NKTR: variants seen among roughly 807,000 people sequenced by gnomAD.
NKTR encodes the protein natural killer cell triggering receptor.
In NKTR, 67 loss-of-function variants were observed where a neutral mutation model predicts 156.3. That is an observed-to-expected ratio of 0.43 (90% CI 0.35 to 0.53). The LOEUF (loss-of-function observed/expected upper bound fraction) is 0.53. NKTR is among the 20% of genes least tolerant of loss of function. NKTR has a pLI of 0.01. For missense variants in NKTR, 1,604 were observed against 1,730.9 expected, an observed-to-expected ratio of 0.93 and a Z score of 1.30; for synonymous variants, 640 against 596.6, an observed-to-expected ratio of 1.07 and a Z score of -1.06.
In NKTR at chr3:42,639,687, G is replaced by C. The variant is rs747420927; in HGVS notation, c.3983G>C (p.Arg1328Thr). Residue 1328 changes from arginine to threonine, a missense_variant, in exon 13 of 17, where the codon AGA becomes ACA. Physicochemically the swap from Arg to Thr is moderately conservative, Grantham distance 71. Transcript: ENST00000232978. ...AAATCTGAAACCAAATCAAGACACA[G>C]AACAAGGTCTGTCTCCTATAGTCAC... The part of the protein sequence containing the change: ...RSKSETKSRH[R>T]TRSVSYSHSR... 2.5e-6 allele frequency: 4 copies of C among 1,613,970 alleles called. No individual in the cohort carries two copies. The highest frequency in any genetic ancestry group is 1.1e-5 in the South Asian group (1 of 91,064).
intron 2 of NKTR, among the ~76,000 whole-genome samples, chr3:42,609,522 G>C (rs34687113): frequency 0.17 from 26,077 of 152,178 alleles, 2,696 homozygotes; most frequent in African/African-American, 0.29. Context: ...CAAAACAAAA[G>C]TTCAAGAAGG....
chr3:42,642,596 G>A lies in NKTR; in HGVS notation c.4142G>A (p.Arg1381Lys), dbSNP rs1460171932. 3 of 1,612,268 alleles carry A rather than the reference G, an allele frequency of 1.9e-6. No homozygotes were observed. Among genetic ancestry groups the A allele is most frequent in the African/African-American group, 2.7e-5 (2 of 74,992 alleles). The change falls in exon 14 of 17, where the codon AGG (arginine) becomes AAG (lysine). Residue 1381 changes from arginine (R) to lysine (K), a missense_variant and splice_region_variant. This residue lies in a region of NKTR where 193 missense variants were observed against 220.2 expected (regional missense o/e 0.88). Coordinates refer to ENST00000232978, the MANE Select transcript of NKTR (RefSeq NM_005385.4). ...TCCTACCGGAGTTACAAAAGTCACAGGTGAGCTTGTGATCTCACCCTGTGA... is the reference window on the plus strand; with the variant it reads ...TCCTACCGGAGTTACAAAAGTCACAAGTGAGCTTGTGATCTCACCCTGTGA... Reference protein sequence around the residue: ...SSSYRSYKSHRTSSRSRSRSS... With the variant: ...SSSYRSYKSHKTSSRSRSRSS...
rs1014180392 is a variant in NKTR at position 42,639,365 on chromosome 3, C to G, written c.3661C>G (p.Leu1221Val). ...KEVAEKSQINLIDKKWKPLQG... is the reference protein window; with the variant it reads ...KEVAEKSQINVIDKKWKPLQG... ...GGTGGCTGAGAAGAGCCAGATCAAC[C>G]TCATTGATAAGAAATGGAAGCCCCT... is the stretch of plus-strand genomic sequence containing the variant. The change falls in exon 13 of 17, where the codon CTC becomes GTC. Residue 1221 changes from leucine (L) to valine (V), a missense_variant. Around this residue, in one of 6 missense-constraint regions of NKTR, gnomAD observed 1,255 missense variants for 1,243.7 expected, o/e 1.01. Coordinates refer to ENST00000232978, the MANE Select transcript of NKTR (RefSeq NM_005385.4). The G allele has an allele frequency of 6.2e-7, 1 of 1,614,078 alleles. No homozygotes were observed. The highest frequency in any genetic ancestry group is 1.7e-5 in the Admixed American group (1 of 60,016).
chr3:42,628,186 T>G, intron 6 of NKTR: 1 of 985,342 alleles, frequency 1.0e-6, no homozygotes, highest in Non-Finnish European at 1.2e-6. Flanking sequence ...TATTTCTGTA[T>G]CTTGAGTTGC....
chr3:42,632,667 C>G lies in NKTR; in HGVS notation c.617C>G (p.Ser206Cys), dbSNP rs900551943. 3 of 1,613,948 alleles carry G rather than the reference C, an allele frequency of 1.9e-6. No homozygotes were observed. Among genetic ancestry groups the G allele is most frequent in the African/African-American group, 1.3e-5 (1 of 75,054 alleles). Residue 206 changes from serine to cysteine, a missense_variant, in exon 9 of 17, where the codon TCT (serine) becomes TGT (cysteine). Transcript: ENST00000232978. ...TCGGATTCCTCTTCCAATTCCTCCT[C>G]TTCTTCAGAATCATCTTCAGAAAGT... is the stretch of plus-strand genomic sequence containing the variant. ...EGSDSSSNSS[S>C]SSESSSESEL...
chr3:42,642,940 C>G (rs909875299), intron 14 of NKTR, among the ~76,000 whole-genome samples: 2 of 152,140 alleles, frequency 1.3e-5, no homozygotes, highest in Non-Finnish European at 2.9e-5. Context: ...GAGAGGGGAC[C>G]AAGAGGAAGA....
chr3:42,620,687 C>G (rs1707829083), intron 5 of NKTR: 1 of 984,264 alleles, frequency 1.0e-6, no homozygotes, highest in Non-Finnish European at 1.2e-6. Context: ...TAAAATAACT[C>G]TAAGTGATCT....
intron 2 of NKTR, among the ~76,000 whole-genome samples, chr3:42,606,406 G>A (rs1706237498): frequency 6.6e-6 from 1 of 151,958 alleles, no homozygotes; most frequent in African/African-American, 2.4e-5. Flanking sequence ...GTTGCTTTAA[G>A]TATTGCATGT....
chr3:42,613,287 A>G (rs1462608147), intron 2 of NKTR, among the ~76,000 whole-genome samples: 4 of 152,150 alleles, frequency 2.6e-5, no homozygotes, highest in Non-Finnish European at 5.9e-5. Flanking sequence ...ACAACAGTAT[A>G]TAGTACTGTT....
intron 15 of NKTR, 66 bp downstream of exon 15, chr3:42,643,461 T>A (rs1415485477): frequency 7.6e-7 from 1 of 1,309,198 alleles, no homozygotes; most frequent in Non-Finnish European, 1.1e-6. Flanking sequence ...GTAAACTGTT[T>A]GTTCAAAGTG....
chr3:42,621,617 C>T, intron 6 of NKTR, 101 bp downstream of exon 6: 1 of 1,225,140 alleles, frequency 8.2e-7, no homozygotes, highest in South Asian at 1.5e-5. Context: ...AAAATTCTGT[C>T]AGCTTTATTT....
Position 42,637,781 on chromosome 3 carries a change from A to G in NKTR, c.2077A>G (p.Arg693Gly). 1 of 1,613,950 alleles carries G rather than the reference A, an allele frequency of 6.2e-7. No individual in the cohort carries two copies. The highest frequency in any genetic ancestry group is 8.5e-7 in the Non-Finnish European group (1 of 1,179,958). ...AAGTTCAGAAAGCTCACCAAGGTCA[A>G]GGAGCAGATCTTCTAGGAGTAGATC... is the stretch of plus-strand genomic sequence containing the variant. ...DRSSESSPRSRSRSSRSRSYS... is the reference protein window; with the variant it reads ...DRSSESSPRSGSRSSRSRSYS... Residue 693 changes from arginine to glycine, a missense_variant, in exon 13 of 17, where the codon AGG becomes GGG. Coordinates refer to ENST00000232978, the MANE Select transcript of NKTR (RefSeq NM_005385.4).
chr3:42,601,187 C>A (rs1705401489), intron 2 of NKTR, 123 bp downstream of exon 2: 2 of 723,192 alleles, frequency 2.8e-6, no homozygotes, highest in South Asian at 4.1e-5. Context: ...GGCAACTTTC[C>A]GTTTTCTCTT....
chr3:42,606,919 G>A (rs1577420371), intron 2 of NKTR, among the ~76,000 whole-genome samples: 2 of 152,050 alleles, frequency 1.3e-5, no homozygotes, highest in East Asian at 3.9e-4. Flanking sequence ...GGAGTACTGT[G>A]GCTATTCACA....
In NKTR at chr3:42,601,068, A is replaced by G; in HGVS notation, c.58+4A>G. 1 of 1,567,022 alleles carries G rather than the reference A, an allele frequency of 6.4e-7. No individual in the cohort carries two copies. Among genetic ancestry groups the G allele is most frequent in the Non-Finnish European group, 8.6e-7 (1 of 1,159,446 alleles). ...ATCGAGATCAACCGGGAGCCGGGTG[A>G]GCTGGAAACTGGGGAGCGCTGCTGG... On this transcript the variant is annotated splice_donor_region_variant and intron_variant, in intron 2 of 16. Coordinates refer to ENST00000232978, the MANE Select transcript of NKTR (RefSeq NM_005385.4).
At chr3:42,610,906 G>A (rs568679090) in intron 2 of NKTR, among the ~76,000 whole-genome samples, 1 of 152,154 alleles carries the variant, frequency 6.6e-6, no homozygotes, top group East Asian at 1.9e-4. Context: ...ATAGTTAGCA[G>A]CATTTTAGTT....
chr3:42,642,061 A>G (rs1709935926), intron 13 of NKTR, among the ~76,000 whole-genome samples: 1 of 152,142 alleles, frequency 6.6e-6, no homozygotes, highest in South Asian at 2.1e-4. Flanking sequence ...AAATACTTTT[A>G]TATATATAGA....
intron 2 of NKTR, chr3:42,601,781 T>G (rs1705506061): frequency 6.6e-6 from 1 of 152,236 alleles, no homozygotes; most frequent in South Asian, 2.1e-4. Context: ...AAAGTTTTAA[T>G]TGGAGACATA....
In NKTR at chr3:42,643,241, T is replaced by A. The variant is rs928731408; in HGVS notation, c.4143-98T>A. The stretch of plus-strand genomic sequence containing the variant: ...CAAATGTAGCTGTGGGATTTCACTG[T>A]ATTTTCACCTTGATGGGCAAATAAA... On this transcript the variant is annotated intron_variant, in intron 14 of 16. Coordinates refer to ENST00000232978, the MANE Select transcript of NKTR (RefSeq NM_005385.4). 3.3e-6 allele frequency: 3 copies of A among 902,350 alleles called. No individual in the cohort carries two copies. In the African/African-American group the frequency reaches 5.0e-5, roughly 15 times the overall value. 55.9% of individuals were successfully genotyped at this position (902,350 alleles called of 1,614,324 possible).
Sources: gnomAD v4.1 joint callset for allele counts (sites outside exome capture counted in the v4.1 genomes callset) on GRCh38, gnomAD v4.1.1 for gene constraint, gnomAD v4.1.1 regional missense constraint, MANE v1.5 for transcripts, NCBI Gene and HGNC (gene_info 2026-07-23, HGNC 2026-07-21) for gene names.